Variants in STK31 observed in about 807,000 individuals in gnomAD.
STK31 encodes the protein serine/threonine kinase 31, also known as serine/threonine-protein kinase 31.
Under a neutral mutation model 129.7 loss-of-function variants are expected in STK31, and 89 were observed. The observed-to-expected ratio is 0.69, with a 90% CI of 0.58 to 0.82. The LOEUF is 0.82. Ranked by LOEUF, STK31 falls within the 40% of genes least tolerant of loss-of-function variation. STK31 has a pLI of 0.00. For synonymous variants in STK31, 448 were observed against 395.3 expected (o/e 1.13, Z -1.58); for missense variants, 1,187 against 1,176.4 (o/e 1.01, Z -0.13).
At chr7:23,749,192 G>T (rs893442704) in intron 8 of STK31, among the ~76,000 whole-genome samples, 1 of 152,126 alleles carries the variant, frequency 6.6e-6, no homozygotes, top group African/African-American at 2.4e-5. Flanking sequence ...TCTCCATTAT[G>T]ATGCGTAGCA....
In STK31 at chr7:23,787,829, C is replaced by G. The variant is rs34129976; in HGVS notation, c.2488-151C>G. 341 of 615,794 alleles carry G rather than the reference C, an allele frequency of 5.5e-4. 1 individual carries two copies. Among genetic ancestry groups the G allele is most frequent in the Admixed American group, 1.1e-3 (29 of 26,052 alleles). The allele number at this position is 615,794 out of a possible 1,614,324, so 38.1% of individuals were successfully genotyped here. ...TATCACCATTACAAAATCAAGCCTT[C>G]ATCTGGTCTTTCTCTATGCTGTATT... On this transcript the variant is annotated intron_variant, in intron 20 of 23. Coordinates refer to ENST00000355870, the MANE Select transcript of STK31 (RefSeq NM_031414.5).
Position 23,729,198 on chromosome 7 carries a change from A to G in STK31, c.432A>G (p.Lys144=), listed in dbSNP as rs1438624752. The G allele has an allele frequency of 6.2e-7, 1 of 1,611,720 alleles. No homozygotes were observed. Among genetic ancestry groups the G allele is most frequent in the Non-Finnish European group, 8.5e-7 (1 of 1,179,562 alleles). Reference sequence around the variant, plus strand: ...TTTCTAGTGTTGCCAAAAAGTATAAACTTTGGGGACTACACATTCCTTCTG... The same window carrying G: ...TTTCTAGTGTTGCCAAAAAGTATAAGCTTTGGGGACTACACATTCCTTCTG... The part of the protein sequence containing the change: ...LQFSSVAKKY[K]LWGLHIPSDQ... Residue 144 remains lysine, a synonymous_variant, in exon 6 of 24, where the codon AAA becomes AAG. Transcript: ENST00000355870.
intron 11 of STK31, among the ~76,000 whole-genome samples, chr7:23,768,258 G>A (rs1181307953): frequency 6.6e-6 from 1 of 152,056 alleles, no homozygotes; most frequent in African/African-American, 2.4e-5. Context: ...ATATCTAGGA[G>A]CAGTAGGCTA....
At chr7:23,765,494 T>C (rs1025606461) in intron 11 of STK31, among the ~76,000 whole-genome samples, 3 of 152,130 alleles carry the variant, frequency 2.0e-5, no homozygotes, top group Admixed American at 6.5e-5. Context: ...TACTGTTTTA[T>C]TAAAACTTAT....
chr7:23,737,647 T>C (rs891539025), intron 8 of STK31, among the ~76,000 whole-genome samples: 3 of 152,244 alleles, frequency 2.0e-5, no homozygotes, highest in African/African-American at 7.2e-5. Context: ...TGTAGGCATG[T>C]TGATTGTAGT....
intron 8 of STK31, among the ~76,000 whole-genome samples, chr7:23,744,380 G>T: frequency 6.7e-6 from 1 of 149,824 alleles, no homozygotes. Context: ...TTATTTTTCA[G>T]AATTATCTTT....
At chr7:23,811,318 A>T (rs1195734648) in intron 22 of STK31, 2 of 420,194 alleles carry the variant, frequency 4.8e-6, no homozygotes, top group Non-Finnish European at 9.3e-6. Flanking sequence ...CTTCTGCCAT[A>T]AAAGGTTTTA....
rs1190235128 is a variant in STK31 at position 23,727,329 on chromosome 7, T to C, written c.324+14T>C. 10 of 1,612,224 alleles carry C rather than the reference T, an allele frequency of 6.2e-6. No homozygotes were observed. Among genetic ancestry groups the C allele is most frequent in the Non-Finnish European group, 8.5e-6 (10 of 1,178,842 alleles). On this transcript the variant is annotated intron_variant, in intron 5 of 23. Transcript: ENST00000355870. Reference sequence around the variant, plus strand: ...AGCGTTGAAAAGGCAGGAAATTAAGTGTTCAGTTTTTTTTTGCTTTAAGAA... The same window carrying C: ...AGCGTTGAAAAGGCAGGAAATTAAGCGTTCAGTTTTTTTTTGCTTTAAGAA...
At chr7:23,830,647 T>C (rs1794491931) in intron 23 of STK31, among the ~76,000 whole-genome samples, 1 of 149,548 alleles carries the variant, frequency 6.7e-6, no homozygotes, top group Non-Finnish European at 1.5e-5. Context: ...GAGCTGGGGG[T>C]CTCACTCTGT....
At chr7:23,718,532 A>G (rs566138471) in intron 4 of STK31, among the ~76,000 whole-genome samples, 1 of 152,122 alleles carries the variant, frequency 6.6e-6, no homozygotes, top group Non-Finnish European at 1.5e-5. Context: ...TCAGAGGTAT[A>G]ACCCTCATTT....
chr7:23,822,583 A>T (rs1793848239), intron 23 of STK31, among the ~76,000 whole-genome samples: 1 of 152,252 alleles, frequency 6.6e-6, no homozygotes, highest in South Asian at 2.1e-4. Context: ...AAAGAGGGAC[A>T]GTTTGACTTT....
chr7:23,717,990 A>G (rs1243968634), intron 4 of STK31, among the ~76,000 whole-genome samples: 1 of 152,122 alleles, frequency 6.6e-6, no homozygotes, highest in Non-Finnish European at 1.5e-5. Context: ...TACAACATGA[A>G]AAGAGCTATG....
intron 23 of STK31, among the ~76,000 whole-genome samples, chr7:23,818,023 A>G (rs1486636114): frequency 6.6e-6 from 1 of 152,008 alleles, no homozygotes; most frequent in African/African-American, 2.4e-5. Context: ...TTTAGTTTAC[A>G]ACATATATTA....
intron 21 of STK31, among the ~76,000 whole-genome samples, chr7:23,790,273 A>G (rs1791541086): frequency 6.6e-6 from 1 of 152,112 alleles, no homozygotes. Context: ...ATAAAAATTA[A>G]AAATAAATTT....
chr7:23,819,615 A>G (rs1449248557), intron 23 of STK31, among the ~76,000 whole-genome samples: 3 of 152,150 alleles, frequency 2.0e-5, no homozygotes, highest in African/African-American at 4.8e-5. Flanking sequence ...GAGTTTTGCC[A>G]TGTTGGCCAG....
chr7:23,814,894 T>TTA (rs1562627310), intron 22 of STK31, among the ~76,000 whole-genome samples: 1 of 152,172 alleles, frequency 6.6e-6, no homozygotes, highest in African/African-American at 2.4e-5. Flanking sequence ...ACACGTTTTC[T>TTA]TATAAGGTGA....
At position 23,772,591 on chromosome 7, in the gene STK31, T is replaced by C. The variant is rs562172933; in HGVS notation, c.1965+313T>C. 2.2e-4 allele frequency among the ~76,000 whole-genome samples: 34 copies of C among 152,306 alleles called. No homozygotes were observed. In the East Asian group the frequency reaches 6.2e-3, roughly 28 times the overall value. ...GTTTGGACTGTTAGAATGTTTATTG[T>C]AATACCAACTTGCTACATGCAGGTG... On this transcript the variant is annotated intron_variant, in intron 15 of 23. Coordinates refer to ENST00000355870, the MANE Select transcript of STK31 (RefSeq NM_031414.5).
At chr7:23,785,261 C>T (rs548163548) in intron 17 of STK31, among the ~76,000 whole-genome samples, 39 of 152,138 alleles carry the variant, frequency 2.6e-4, no homozygotes, top group Middle Eastern at 3.4e-3. Flanking sequence ...AAAATTATAG[C>T]AGTAATTAAA....
At chr7:23,738,836 C>T (rs1474931420) in intron 8 of STK31, among the ~76,000 whole-genome samples, 4 of 152,194 alleles carry the variant, frequency 2.6e-5, no homozygotes, top group African/African-American at 9.6e-5. Context: ...CAGGCATGAG[C>T]CACTGTGCCC....
Sources: allele counts gnomAD v4.1 joint callset (sites outside exome capture counted in the v4.1 genomes callset), GRCh38; gene constraint gnomAD v4.1.1; transcripts MANE v1.5; gene names NCBI Gene and HGNC (gene_info 2026-07-23, HGNC 2026-07-21).